PRKG1: variants seen among roughly 807,000 people sequenced by gnomAD.
PRKG1 encodes protein kinase cGMP-dependent 1.
Under a neutral mutation model 88.1 loss-of-function variants are expected in PRKG1, and 35 were observed. The observed-to-expected ratio is 0.40, with a 90% CI of 0.30 to 0.53. PRKG1 has a LOEUF of 0.53. Among genes scored for constraint, PRKG1 ranks in the 20% least tolerant of loss-of-function variants. The probability of loss-of-function intolerance (pLI) is 0.59; values close to 1 mark genes in which losing one functional copy is unlikely to be tolerated. For synonymous variants in PRKG1, 303 were observed against 292.5 expected (o/e 1.04, Z -0.37); for missense variants, 540 against 839.8 (o/e 0.64, Z 4.41).
At chr10:52,146,695 A>G (rs926658907) in intron 8 of PRKG1, among the ~76,000 whole-genome samples, 1 of 152,192 alleles carries the variant, frequency 6.6e-6, no homozygotes, top group African/African-American at 2.4e-5. Context: ...TCTTTGTCAT[A>G]GTTTCTTGAC....
intron 5 of PRKG1, among the ~76,000 whole-genome samples, chr10:51,931,062 C>T (rs1211255412): frequency 6.6e-6 from 1 of 152,100 alleles, no homozygotes; most frequent in East Asian, 1.9e-4. Context: ...TCTGTAACAT[C>T]GTATAAATTT....
intron 1 of PRKG1, among the ~76,000 whole-genome samples, chr10:51,032,977 T>C (rs941281849): frequency 6.6e-6 from 1 of 152,170 alleles, no homozygotes; most frequent in African/African-American, 2.4e-5. Flanking sequence ...CCATTCTCTA[T>C]GCCGACGTAT....
intron 2 of PRKG1, among the ~76,000 whole-genome samples, chr10:51,427,254 A>T (rs1473505656): frequency 1.3e-5 from 2 of 152,150 alleles, no homozygotes; most frequent in Non-Finnish European, 2.9e-5. Flanking sequence ...GAACAGAATG[A>T]GAGAGAAAGA....
chr10:51,997,120 T>TG (rs1564744486), intron 5 of PRKG1, among the ~76,000 whole-genome samples: 7 of 151,890 alleles, frequency 4.6e-5, no homozygotes, highest in Non-Finnish European at 1.0e-4. Flanking sequence ...CTGGGATGCT[T>TG]GGGGGGTAGA....
At chr10:51,550,171 C>A (rs917207025) in intron 3 of PRKG1, among the ~76,000 whole-genome samples, 1 of 152,022 alleles carries the variant, frequency 6.6e-6, no homozygotes, top group African/African-American at 2.4e-5. Flanking sequence ...CATTTGTTAC[C>A]TTATTGAATG....
chr10:51,059,868 A>G (rs985629971), intron 1 of PRKG1, among the ~76,000 whole-genome samples: 1 of 152,152 alleles, frequency 6.6e-6, no homozygotes, highest in African/African-American at 2.4e-5. Flanking sequence ...CAGCCTGATT[A>G]TATTTCTGCC....
At chr10:51,076,834 TA>T (rs1228367083) in intron 1 of PRKG1, among the ~76,000 whole-genome samples, 21 of 152,308 alleles carry the variant, frequency 1.4e-4, no homozygotes, top group South Asian at 8.3e-4. Context: ...ATCATTATAA[TA>T]ACATTTTATC....
chr10:51,032,475 G>A (rs1286618068), intron 1 of PRKG1, among the ~76,000 whole-genome samples: 1 of 151,042 alleles, frequency 6.6e-6, no homozygotes, highest in Non-Finnish European at 1.5e-5. Context: ...ATATTATTTT[G>A]GTGCCAGCCA....
intron 2 of PRKG1, among the ~76,000 whole-genome samples, chr10:51,242,086 A>C (rs1359633805): frequency 6.6e-6 from 1 of 152,096 alleles, no homozygotes; most frequent in Non-Finnish European, 1.5e-5. Context: ...AATAGCATGG[A>C]TTGTGATGAG....
At chr10:51,582,167 A>G (rs753744094) in intron 3 of PRKG1, among the ~76,000 whole-genome samples, 6 of 152,214 alleles carry the variant, frequency 3.9e-5, no homozygotes, top group Non-Finnish European at 8.8e-5. Flanking sequence ...TAGTGAAAAA[A>G]TAAAATAAAT....
intron 10 of PRKG1, among the ~76,000 whole-genome samples, chr10:52,264,428 G>A (rs1310103107): frequency 6.7e-6 from 1 of 149,248 alleles, no homozygotes; most frequent in Non-Finnish European, 1.5e-5. Flanking sequence ...TTCTTCCTTT[G>A]CAGAACATTT....
chr10:51,392,365 T>G (rs1837428104), intron 2 of PRKG1, among the ~76,000 whole-genome samples: 1 of 151,982 alleles, frequency 6.6e-6, no homozygotes, highest in South Asian at 2.1e-4. Context: ...AGCATCTGTT[T>G]AACAAAGCAC....
chr10:52,121,629 C>T (rs1331940597), intron 7 of PRKG1, among the ~76,000 whole-genome samples: 1 of 152,220 alleles, frequency 6.6e-6, no homozygotes, highest in Non-Finnish European at 1.5e-5. Flanking sequence ...AGGGCGTGGA[C>T]ATAATTCAGC....
chr10:51,336,500 C>G (rs139277967), intron 2 of PRKG1, among the ~76,000 whole-genome samples: 300 of 152,232 alleles, frequency 2.0e-3, no homozygotes, highest in Non-Finnish European at 2.9e-3. Context: ...ATCCTCTCCC[C>G]CTCTTATGGC....
intron 2 of PRKG1, among the ~76,000 whole-genome samples, chr10:51,385,382 C>T (rs570642825): frequency 7.9e-5 from 12 of 152,278 alleles, no homozygotes; most frequent in South Asian, 2.1e-4. Context: ...ATAATGCATA[C>T]GTTAAGGACA....
chr10:51,188,182 C>T (rs948427373), intron 2 of PRKG1, among the ~76,000 whole-genome samples: 3 of 151,998 alleles, frequency 2.0e-5, no homozygotes, highest in Non-Finnish European at 4.4e-5. Context: ...TGTTTATTGG[C>T]TGCCCTCAGT....
At chr10:51,628,504 T>C (rs1020045936) in intron 3 of PRKG1, among the ~76,000 whole-genome samples, 1 of 152,122 alleles carries the variant, frequency 6.6e-6, no homozygotes, top group African/African-American at 2.4e-5. Context: ...GTGTTTTCCC[T>C]CAACATTGGG....
chr10:51,147,274 T>C (rs1845966666), intron 1 of PRKG1, among the ~76,000 whole-genome samples: 1 of 152,122 alleles, frequency 6.6e-6, no homozygotes, highest in Non-Finnish European at 1.5e-5. Context: ...TTCAAAAAGC[T>C]AAAAGAATTT....
At chr10:51,443,853 C>T (rs1000687312) in intron 2 of PRKG1, among the ~76,000 whole-genome samples, 1 of 151,988 alleles carries the variant, frequency 6.6e-6, no homozygotes, top group African/African-American at 2.4e-5. Context: ...GAGAAGAACA[C>T]TTGATAACTG....
Sources: gnomAD v4.1 joint callset for allele counts (sites outside exome capture counted in the v4.1 genomes callset) on GRCh38, gnomAD v4.1.1 for gene constraint, MANE v1.5 for transcripts, NCBI Gene and HGNC (gene_info 2026-07-23, HGNC 2026-07-21) for gene names.